The following GRM7 variants were observed in gnomAD, a reference collection of about 807,000 sequenced individuals.
GRM7 encodes the protein metabotropic glutamate receptor 7.
In GRM7, 35 loss-of-function variants were observed where a neutral mutation model predicts 84.5. The ratio of observed to expected loss-of-function variants is 0.41; its 90% CI spans 0.32 to 0.55. GRM7 has a LOEUF of 0.55. Ranked by LOEUF, GRM7 falls within the 20% of genes least tolerant of loss-of-function variation. The pLI is 0.19. For missense variants in GRM7, 1,003 were observed against 1,194.6 expected, an observed-to-expected ratio of 0.84 and a Z score of 2.36; for synonymous variants, 487 against 455.1, an observed-to-expected ratio of 1.07 and a Z score of -0.89.
At chr3:7,612,374 G>A (rs1696886647) in intron 8 of GRM7, among the ~76,000 whole-genome samples, 2 of 152,142 alleles carry the variant, frequency 1.3e-5, no homozygotes, top group Non-Finnish European at 2.9e-5. Context: ...TATTTCCTAT[G>A]CCAGGCCCTG....
At chr3:7,410,428 C>G (rs1389154098) in intron 4 of GRM7, among the ~76,000 whole-genome samples, 1 of 151,982 alleles carries the variant, frequency 6.6e-6, no homozygotes, top group Non-Finnish European at 1.5e-5. Context: ...CAAAAATTAT[C>G]CAGGCATGGT....
intron 1 of GRM7, among the ~76,000 whole-genome samples, chr3:7,007,001 C>A (rs994372244): frequency 6.6e-6 from 1 of 152,122 alleles, no homozygotes; most frequent in East Asian, 1.9e-4. Flanking sequence ...AAACAACAAA[C>A]CTTGGTAGAC....
chr3:7,209,930 G>A (rs1696366552), intron 2 of GRM7, among the ~76,000 whole-genome samples: 1 of 152,178 alleles, frequency 6.6e-6, no homozygotes, highest in South Asian at 2.1e-4. Context: ...AGGGGAGAGG[G>A]AAGTAAAGAC....
intron 7 of GRM7, among the ~76,000 whole-genome samples, chr3:7,538,910 C>T (rs761722276): frequency 6.6e-6 from 1 of 152,114 alleles, no homozygotes; most frequent in African/African-American, 2.4e-5. Context: ...GATGTGATTT[C>T]GTGCTGGACT....
chr3:7,058,354 G>A (rs891777762), intron 1 of GRM7, among the ~76,000 whole-genome samples: 2 of 151,812 alleles, frequency 1.3e-5, no homozygotes, highest in Admixed American at 1.3e-4. Flanking sequence ...TTGTTCTAAA[G>A]TTTTTTTAAC....
intron 1 of GRM7, among the ~76,000 whole-genome samples, chr3:6,964,147 G>A (rs191337018): frequency 2.5e-4 from 38 of 152,224 alleles, no homozygotes; most frequent in African/African-American, 7.9e-4. Flanking sequence ...AGCTTTTGAC[G>A]CTGTTAAATA....
At chr3:7,669,079 A>G (rs1699820609) in intron 8 of GRM7, among the ~76,000 whole-genome samples, 1 of 152,252 alleles carries the variant, frequency 6.6e-6, no homozygotes, top group Non-Finnish European at 1.5e-5. Context: ...AGCATGCTTG[A>G]CGCCAATTCT....
intron 1 of GRM7, among the ~76,000 whole-genome samples, chr3:6,864,022 G>A (rs1159870755): frequency 6.6e-6 from 1 of 152,106 alleles, no homozygotes; most frequent in Non-Finnish European, 1.5e-5. Flanking sequence ...AGGGGTGGGG[G>A]GCTGGCCTGA....
At chr3:7,516,463 C>T (rs1308221300) in intron 7 of GRM7, among the ~76,000 whole-genome samples, 48 of 97,726 alleles carry the variant, frequency 4.9e-4, no homozygotes, top group African/African-American at 1.9e-3. Context: ...GGCGGCAGAG[C>T]GAGACTCCCT....
At chr3:7,280,083 T>G (rs1443538921) in intron 2 of GRM7, among the ~76,000 whole-genome samples, 1 of 152,188 alleles carries the variant, frequency 6.6e-6, no homozygotes, top group East Asian at 1.9e-4. Context: ...TTGTTAAAAT[T>G]AAAGTGAAAT....
chr3:7,220,941 A>C (rs538980483), intron 2 of GRM7, among the ~76,000 whole-genome samples: 1 of 152,224 alleles, frequency 6.6e-6, no homozygotes, highest in Non-Finnish European at 1.5e-5. Context: ...AAAACTACAA[A>C]AACTTTGCAG....
At chr3:6,930,295 G>T (rs1453928190) in intron 1 of GRM7, among the ~76,000 whole-genome samples, 1 of 152,094 alleles carries the variant, frequency 6.6e-6, no homozygotes, top group African/African-American at 2.4e-5. Flanking sequence ...TATAATTCAG[G>T]AAAAATGTTA....
chr3:7,413,239 A>G (rs1013034949), intron 4 of GRM7, among the ~76,000 whole-genome samples: 1 of 152,218 alleles, frequency 6.6e-6, no homozygotes, highest in African/African-American at 2.4e-5. Flanking sequence ...CCATTAATAA[A>G]GAAGAGCTAT....
At chr3:7,579,713 G>A (rs942804951) in intron 8 of GRM7, among the ~76,000 whole-genome samples, 1 of 139,790 alleles carries the variant, frequency 7.2e-6, no homozygotes, top group Non-Finnish European at 1.5e-5. Flanking sequence ...GGTAGGAAAA[G>A]AGGAGCATAG....
At chr3:7,397,837 T>G (rs1695277762) in intron 4 of GRM7, among the ~76,000 whole-genome samples, 1 of 152,084 alleles carries the variant, frequency 6.6e-6, no homozygotes, top group Non-Finnish European at 1.5e-5. Flanking sequence ...GGGAATCTAG[T>G]AGGTGGAGGC....
At chr3:7,491,243 G>C (rs1699506211) in intron 7 of GRM7, among the ~76,000 whole-genome samples, 1 of 151,808 alleles carries the variant, frequency 6.6e-6, no homozygotes, top group Admixed American at 6.6e-5. Flanking sequence ...TTACAAAAAT[G>C]GTATAGTTAG....
At chr3:7,076,279 G>A (rs1698073844) in intron 1 of GRM7, among the ~76,000 whole-genome samples, 2 of 152,240 alleles carry the variant, frequency 1.3e-5, no homozygotes, top group Middle Eastern at 6.8e-3. Context: ...GATATGGTTT[G>A]GCTCTGTGTC....
At chr3:7,611,555 G>A (rs1696847505) in intron 8 of GRM7, among the ~76,000 whole-genome samples, 1 of 152,156 alleles carries the variant, frequency 6.6e-6, no homozygotes, top group South Asian at 2.1e-4. Flanking sequence ...AGCTGTCATA[G>A]ACCTACTGGA....
At chr3:7,256,998 G>C (rs1698232975) in intron 2 of GRM7, among the ~76,000 whole-genome samples, 1 of 152,202 alleles carries the variant, frequency 6.6e-6, no homozygotes, top group Non-Finnish European at 1.5e-5. Flanking sequence ...AGAGGAATCT[G>C]CTTAAGCCAA....
Sources: gnomAD v4.1 joint callset for allele counts (sites outside exome capture counted in the v4.1 genomes callset) on GRCh38, gnomAD v4.1.1 for gene constraint, MANE v1.5 for transcripts, NCBI Gene and HGNC (gene_info 2026-07-23, HGNC 2026-07-21) for gene names.